Variants in LRRIQ1 observed in about 807,000 individuals in gnomAD.
The protein encoded by LRRIQ1 is leucine rich repeats and IQ motif containing 1.
Under a neutral mutation model 211.9 loss-of-function variants are expected in LRRIQ1, and 210 were observed. The ratio of observed to expected loss-of-function variants is 0.99; its 90% CI spans 0.89 to 1.11. The LOEUF (loss-of-function observed/expected upper bound fraction) is 1.11. Ranked by LOEUF, LRRIQ1 falls within the 50% of genes most tolerant of loss-of-function variation. The probability of loss-of-function intolerance (pLI) is 0.00; values close to 1 mark genes in which losing one functional copy is unlikely to be tolerated. For synonymous variants in LRRIQ1, 699 were observed against 650.1 expected (o/e 1.08, Z -1.14); for missense variants, 2,136 against 1,939.5 (o/e 1.10, Z -1.90).
At chr12:85,150,205 C>T (rs1890150710) in intron 19 of LRRIQ1, among the ~76,000 whole-genome samples, 1 of 151,766 alleles carries the variant, frequency 6.6e-6, no homozygotes, top group African/African-American at 2.4e-5. Context: ...CCTCAGGTGG[C>T]ATGTTGCCTT....
At chr12:85,081,035 T>C (rs1487051301) in intron 11 of LRRIQ1, among the ~76,000 whole-genome samples, 2 of 152,070 alleles carry the variant, frequency 1.3e-5, no homozygotes, top group Non-Finnish European at 2.9e-5. Context: ...TTATTTGAAG[T>C]TTAGCTTCAG....
chr12:85,117,251 T>C (rs1439448577), intron 15 of LRRIQ1, among the ~76,000 whole-genome samples: 1 of 152,198 alleles, frequency 6.6e-6, no homozygotes, highest in Non-Finnish European at 1.5e-5. Flanking sequence ...CGTCTCCTCA[T>C]TCAGCCAAAA....
chr12:85,086,757 T>C (rs1382691174), intron 11 of LRRIQ1, among the ~76,000 whole-genome samples: 1 of 151,922 alleles, frequency 6.6e-6, no homozygotes, highest in Non-Finnish European at 1.5e-5. Flanking sequence ...ACTCAACAAC[T>C]AGAAAGTGAC....
intron 24 of LRRIQ1, among the ~76,000 whole-genome samples, chr12:85,215,748 G>T (rs959231870): frequency 6.6e-6 from 1 of 151,996 alleles, no homozygotes; most frequent in Non-Finnish European, 1.5e-5. Flanking sequence ...ACAATGCAAT[G>T]GATAAGCTCT....
intron 24 of LRRIQ1, among the ~76,000 whole-genome samples, chr12:85,192,190 G>A (rs1172358717): frequency 2.0e-5 from 3 of 150,680 alleles, no homozygotes; most frequent in Non-Finnish European, 4.4e-5. Flanking sequence ...CCTGATGTCT[G>A]CTATTCTCTT....
chr12:85,131,692 G>C (rs1565857587), intron 18 of LRRIQ1, among the ~76,000 whole-genome samples: 1 of 152,138 alleles, frequency 6.6e-6, no homozygotes, highest in Non-Finnish European at 1.5e-5. Flanking sequence ...CATGGTGAGA[G>C]ATGTGTGCAG....
intron 6 of LRRIQ1, 61 bp downstream of exon 6, chr12:85,047,531 A>G (rs1879776116): frequency 1.4e-6 from 2 of 1,386,296 alleles, no homozygotes; most frequent in Non-Finnish European, 2.0e-6. Flanking sequence ...AAGAATATTG[A>G]TATTTGGATT....
intron 11 of LRRIQ1, among the ~76,000 whole-genome samples, chr12:85,083,242 A>T (rs1396331016): frequency 1.3e-5 from 2 of 152,162 alleles, no homozygotes; most frequent in Non-Finnish European, 2.9e-5. Flanking sequence ...TCACTTTAAA[A>T]AGTAGCTTTA....
chr12:85,214,818 A>G (rs549300727), intron 24 of LRRIQ1, among the ~76,000 whole-genome samples: 2 of 152,276 alleles, frequency 1.3e-5, no homozygotes, highest in East Asian at 3.9e-4. Flanking sequence ...AAAATTATGC[A>G]AAAAGTACTA....
intron 13 of LRRIQ1, among the ~76,000 whole-genome samples, chr12:85,103,082 AGTAAGT>A (rs1886510888): frequency 6.7e-6 from 1 of 149,600 alleles, no homozygotes; most frequent in African/African-American, 2.4e-5. Context: ...TATGTTACAC[AGTAAGT>A]GTAGACTTGT....
chr12:85,096,754 A>G (rs1384387192), intron 11 of LRRIQ1, among the ~76,000 whole-genome samples: 3 of 152,136 alleles, frequency 2.0e-5, no homozygotes, highest in African/African-American at 7.2e-5. Context: ...AATGCTATCC[A>G]TGGGAAGTTG....
intron 1 of LRRIQ1, among the ~76,000 whole-genome samples, chr12:85,261,151 A>T (rs1896274238): frequency 6.6e-6 from 1 of 152,134 alleles, no homozygotes; most frequent in African/African-American, 2.4e-5. Context: ...TAGCTCCGTT[A>T]CAGACTAGTG....
In LRRIQ1 at chr12:85,065,428, C is replaced by G; in HGVS notation, c.2544+14C>G. ...ATTGATGCACAGGTATGCTCTCTGC[C>G]CTACTGTTATTTATTTTATAATAAA... On this transcript the variant is annotated intron_variant, in intron 9 of 26. Coordinates refer to ENST00000393217, the MANE Select transcript of LRRIQ1 (RefSeq NM_001079910.2). The G allele has an allele frequency of 6.5e-7, 1 of 1,543,284 alleles. No homozygotes were observed. The highest frequency in any genetic ancestry group is 8.7e-7 in the Non-Finnish European group (1 of 1,146,070).
intron 19 of LRRIQ1, among the ~76,000 whole-genome samples, chr12:85,144,617 A>G (rs1205361775): frequency 6.6e-6 from 1 of 151,616 alleles, no homozygotes; most frequent in Non-Finnish European, 1.5e-5. Context: ...AGGAAGAGAA[A>G]GTTTACAATA....
At chr12:85,224,896 T>C (rs1384361765) in intron 24 of LRRIQ1, among the ~76,000 whole-genome samples, 1 of 151,638 alleles carries the variant, frequency 6.6e-6, no homozygotes, top group East Asian at 1.9e-4. Flanking sequence ...TAAAAAGAGA[T>C]AATTAAAAAC....
intron 17 of LRRIQ1, among the ~76,000 whole-genome samples, chr12:85,127,273 A>G (rs1360408678): frequency 6.6e-6 from 1 of 152,226 alleles, no homozygotes; most frequent in Non-Finnish European, 1.5e-5. Context: ...AAATTGGCAA[A>G]TAGATGTGGA....
At position 85,104,047 on chromosome 12, in the gene LRRIQ1, A is replaced by G. The variant is rs1886592006; in HGVS notation, c.3253A>G (p.Lys1085Glu). The change falls in exon 14 of 27, where the codon AAG becomes GAG. Residue 1085 changes from lysine (K) to glutamate (E), a missense_variant. By Grantham distance (56) the Lys-to-Glu change is moderately conservative. Coordinates refer to ENST00000393217, the MANE Select transcript of LRRIQ1 (RefSeq NM_001079910.2). ...VPLFHFVSLE[K>E]LDVSHNCLSD... Reference sequence around the variant, plus strand: ...ACTTTTTCATTTTGTTTCATTGGAAAAGCTAGATGTCAGCCACAATTGTCT... The same window carrying G: ...ACTTTTTCATTTTGTTTCATTGGAAGAGCTAGATGTCAGCCACAATTGTCT... The G allele has an allele frequency of 1.3e-6, 2 of 1,563,910 alleles. No homozygotes were observed. The highest frequency in any genetic ancestry group is 2.8e-5 in the African/African-American group (2 of 72,566).
At chr12:85,176,989 A>G (rs1319676379) in intron 24 of LRRIQ1, among the ~76,000 whole-genome samples, 1 of 152,102 alleles carries the variant, frequency 6.6e-6, no homozygotes, top group African/African-American at 2.4e-5. Flanking sequence ...GTTATGTAAG[A>G]CAGAGTTTTG....
intron 24 of LRRIQ1, among the ~76,000 whole-genome samples, chr12:85,171,824 G>A (rs1245285155): frequency 6.6e-6 from 1 of 152,158 alleles, no homozygotes; most frequent in African/African-American, 2.4e-5. Context: ...AAGCCAAGGA[G>A]AGAAGCCTCT....
Sources: allele counts gnomAD v4.1 joint callset (sites outside exome capture counted in the v4.1 genomes callset), GRCh38; gene constraint gnomAD v4.1.1; transcripts MANE v1.5; gene names NCBI Gene and HGNC (gene_info 2026-07-23, HGNC 2026-07-21).